The following FRMD4A variants were observed in gnomAD, a reference collection of about 807,000 sequenced individuals.
FRMD4A encodes the protein FERM domain-containing protein 4A.
Under a neutral mutation model 129.1 loss-of-function variants are expected in FRMD4A, and 29 were observed. The observed-to-expected ratio is 0.22, with a 90% CI of 0.17 to 0.31. FRMD4A has a LOEUF of 0.31. Among genes scored for constraint, FRMD4A ranks in the 10% least tolerant of loss-of-function variants. The probability of loss-of-function intolerance (pLI) is 1.00; values close to 1 mark genes in which losing one functional copy is unlikely to be tolerated. For synonymous variants in FRMD4A, 634 were observed against 571.6 expected (o/e 1.11, Z -1.56); for missense variants, 1,272 against 1,375.8 (o/e 0.92, Z 1.19).
At chr10:13,849,763 G>A (rs1273352413) in intron 3 of FRMD4A, among the ~76,000 whole-genome samples, 2 of 151,686 alleles carry the variant, frequency 1.3e-5, no homozygotes, top group Non-Finnish European at 1.5e-5. Flanking sequence ...ACAGGTGTGA[G>A]CCACAGCACC....
At chr10:13,851,665 G>T (rs1202206837) in intron 3 of FRMD4A, among the ~76,000 whole-genome samples, 1 of 152,038 alleles carries the variant, frequency 6.6e-6, no homozygotes, top group East Asian at 1.9e-4. Context: ...ATTTTGGGAG[G>T]CCGAGGCGGG....
At chr10:13,948,070 C>T (rs1225746086) in intron 2 of FRMD4A, among the ~76,000 whole-genome samples, 1 of 150,724 alleles carries the variant, frequency 6.6e-6, no homozygotes, top group African/African-American at 2.4e-5. Flanking sequence ...AAAAAAAACA[C>T]CTTATCAGTG....
chr10:13,716,907 A>G (rs941114018), intron 12 of FRMD4A, among the ~76,000 whole-genome samples: 1 of 152,200 alleles, frequency 6.6e-6, no homozygotes, highest in Non-Finnish European at 1.5e-5. Flanking sequence ...GCTTTGATGA[A>G]TGTAAATACT....
chr10:13,998,193 T>C (rs1056857179), intron 2 of FRMD4A, among the ~76,000 whole-genome samples: 3 of 152,180 alleles, frequency 2.0e-5, no homozygotes, highest in African/African-American at 7.2e-5. Flanking sequence ...CATATAGTCC[T>C]CTAGCTTTAA....
At chr10:13,872,592 G>A (rs1417711592) in intron 2 of FRMD4A, among the ~76,000 whole-genome samples, 1 of 152,256 alleles carries the variant, frequency 6.6e-6, no homozygotes, top group Non-Finnish European at 1.5e-5. Context: ...CGTTCTGCAA[G>A]GGCAGCTGGG....
chr10:13,791,067 A>G (rs1412510869), intron 5 of FRMD4A, among the ~76,000 whole-genome samples: 1 of 152,198 alleles, frequency 6.6e-6, no homozygotes, highest in Non-Finnish European at 1.5e-5. Flanking sequence ...GCGTGTGTGC[A>G]GTGAGTGGAC....
At chr10:14,062,755 C>T (rs1276914712) in intron 2 of FRMD4A, among the ~76,000 whole-genome samples, 1 of 152,152 alleles carries the variant, frequency 6.6e-6, no homozygotes, top group Admixed American at 6.5e-5. Flanking sequence ...GATTCAAGTG[C>T]CACTGATTCA....
At chr10:13,851,452 C>T (rs1431597314) in intron 3 of FRMD4A, among the ~76,000 whole-genome samples, 1 of 152,140 alleles carries the variant, frequency 6.6e-6, no homozygotes, top group Non-Finnish European at 1.5e-5. Flanking sequence ...AGATGAGCAG[C>T]GAGAGAAGCT....
At chr10:13,982,387 G>A (rs1757752267) in intron 2 of FRMD4A, among the ~76,000 whole-genome samples, 1 of 151,232 alleles carries the variant, frequency 6.6e-6, no homozygotes, top group African/African-American at 2.4e-5. Context: ...AGAGGCTGAG[G>A]TAGGAGAATG....
At chr10:13,710,108 A>T (rs2087861942) in intron 12 of FRMD4A, among the ~76,000 whole-genome samples, 1 of 152,110 alleles carries the variant, frequency 6.6e-6, no homozygotes, top group Non-Finnish European at 1.5e-5. Flanking sequence ...TGGTGCTGGC[A>T]GGCTCTGTGG....
chr10:14,007,607 C>G (rs995396450), intron 2 of FRMD4A: 1 of 153,676 alleles, frequency 6.5e-6, no homozygotes, highest in Non-Finnish European at 1.5e-5. Flanking sequence ...TTTAAACTAC[C>G]AAAGCTTTGA....
intron 15 of FRMD4A, among the ~76,000 whole-genome samples, chr10:13,682,812 A>G (rs142564280): frequency 9.7e-4 from 148 of 151,926 alleles, no homozygotes; most frequent in African/African-American, 3.2e-3. Flanking sequence ...CTGGCCTCCC[A>G]TTTTCATAGA....
At chr10:13,703,230 C>T (rs936073827) in intron 13 of FRMD4A, among the ~76,000 whole-genome samples, 3 of 152,090 alleles carry the variant, frequency 2.0e-5, no homozygotes, top group Non-Finnish European at 4.4e-5. Flanking sequence ...CCGGGTAGTT[C>T]CCCGGAGCAT....
At chr10:13,668,541 C>G (rs190443368) in intron 17 of FRMD4A, 1 of 152,224 alleles carries the variant, frequency 6.6e-6, no homozygotes, top group Non-Finnish European at 1.5e-5. Flanking sequence ...AGAGGAACCC[C>G]GCAGAATGCC....
chr10:13,819,727 G>A (rs944807090), intron 3 of FRMD4A, among the ~76,000 whole-genome samples: 18 of 150,074 alleles, frequency 1.2e-4, no homozygotes, highest in Admixed American at 1.3e-4. Flanking sequence ...TCTGAGATGG[G>A]GTCTGGAGTG....
At chr10:13,858,818 A>T (rs756602855) in intron 3 of FRMD4A, 29 bp downstream of exon 3, 3 of 1,361,602 alleles carry the variant, frequency 2.2e-6, no homozygotes, top group Admixed American at 3.4e-5. Context: ...CACCAAAGAA[A>T]CTCAGAAAGT....
Position 13,657,534 on chromosome 10 carries a change from C to A in FRMD4A, c.2067-12G>T, listed in dbSNP as rs760974383. 8 of 1,534,796 alleles carry A rather than the reference C, an allele frequency of 5.2e-6. No homozygotes were observed. The South Asian group carries it at 9.7e-5, about 19-fold the overall frequency. On this transcript the variant is annotated splice_polypyrimidine_tract_variant and intron_variant, in intron 21 of 24. Transcript: ENST00000357447. ...TGATGTCCACCGACCTGCCGGGAGA[C>A]GACCCGGGTTGGTCTGGGGGTGGGG...
chr10:13,724,224 T>C (rs768814242), intron 12 of FRMD4A, among the ~76,000 whole-genome samples: 1 of 151,670 alleles, frequency 6.6e-6, no homozygotes, highest in Non-Finnish European at 1.5e-5. Flanking sequence ...CTGTCTCTAC[T>C]AAAAATACAA....
chr10:14,129,040 C>T (rs765215163), intron 2 of FRMD4A, among the ~76,000 whole-genome samples: 7 of 152,068 alleles, frequency 4.6e-5, no homozygotes, highest in Non-Finnish European at 8.8e-5. Context: ...TGCAAATTCA[C>T]ATAGCAACAG....
Sources: allele counts gnomAD v4.1 joint callset (sites outside exome capture counted in the v4.1 genomes callset), GRCh38; gene constraint gnomAD v4.1.1; transcripts MANE v1.5; gene names NCBI Gene and HGNC (gene_info 2026-07-23, HGNC 2026-07-21).